The following PFKFB3 variants were observed in gnomAD, a reference collection of about 807,000 sequenced individuals.
PFKFB3 encodes 6-phosphofructo-2-kinase/fructose-2,6-bisphosphatase 3.
Under a neutral mutation model 68.0 loss-of-function variants are expected in PFKFB3, and 33 were observed. The ratio of observed to expected loss-of-function variants is 0.49; its 90% CI spans 0.37 to 0.65. The LOEUF (loss-of-function observed/expected upper bound fraction) is 0.65, where lower values mean the gene tolerates loss of function less well. PFKFB3 is among the 30% of genes least tolerant of loss of function. The pLI, the probability that PFKFB3 is intolerant of heterozygous loss-of-function variation, is 0.00. For synonymous variants in PFKFB3, 315 were observed against 288.2 expected, an observed-to-expected ratio of 1.09 and a Z score of -0.94; for missense variants, 586 against 712.2, an observed-to-expected ratio of 0.82 and a Z score of 2.02.
the PFKFB3 span, among the ~76,000 whole-genome samples, chr10:6,285,945 C>T: frequency 6.7e-6 from 1 of 149,444 alleles, no homozygotes; most frequent in Non-Finnish European, 1.5e-5. Flanking sequence ...TTTTAAAATC[C>T]ATTCATCTGT....
intron 14 of PFKFB3, among the ~76,000 whole-genome samples, chr10:6,254,010 C>T (rs933280869): frequency 4.6e-5 from 7 of 151,982 alleles, no homozygotes; most frequent in African/African-American, 1.2e-4. Context: ...TACCACTGCA[C>T]TCCAGCCTGG....
At chr10:6,284,396 C>T in the PFKFB3 span, among the ~76,000 whole-genome samples, 5 of 152,132 alleles carry the variant, frequency 3.3e-5, no homozygotes, top group African/African-American at 1.2e-4. Flanking sequence ...ATTGTTATGT[C>T]TTCTTGGAGA....
downstream of PFKFB3, among the ~76,000 whole-genome samples, chr10:6,257,810 A>G (rs4750190): frequency 0.63 from 96,337 of 151,976 alleles, 35,603 homozygotes; most frequent in Non-Finnish European, 0.83. Context: ...ACAAGTCAGG[A>G]TGTAATTTCA....
At chr10:6,225,531 G>A (rs1225434585) in intron 13 of PFKFB3, among the ~76,000 whole-genome samples, 1 of 152,264 alleles carries the variant, frequency 6.6e-6, no homozygotes, top group East Asian at 1.9e-4. Flanking sequence ...GGGAATGGGG[G>A]CAGGGCCATG....
intron 8 of PFKFB3, 66 bp from the exon 9 acceptor site, chr10:6,221,315 C>T: frequency 6.3e-7 from 1 of 1,588,646 alleles, no homozygotes; most frequent in Non-Finnish European, 8.6e-7. Context: ...GCTGCCTGCT[C>T]CAGCCCTGGC....
In PFKFB3 at chr10:6,225,834, T is replaced by C. The variant is rs1367271669; in HGVS notation, c.1342-358T>C. On this transcript the variant is annotated intron_variant, in intron 13 of 14. Transcript: ENST00000379775. ...TCAGGCCCAGCCTCTCCCTCCTAGA[T>C]GCCCCTCCTCAGCTCTCAAGAGAGG... Among the ~76,000 whole-genome samples the C allele has an allele frequency of 3.3e-5, 5 of 152,178 alleles. No homozygotes were observed. The East Asian group carries it at 9.6e-4, about 29-fold the overall frequency.
the PFKFB3 span, among the ~76,000 whole-genome samples, chr10:6,290,959 C>G: frequency 6.6e-6 from 1 of 152,026 alleles, no homozygotes; most frequent in Non-Finnish European, 1.5e-5. Flanking sequence ...CTGTCTCTTT[C>G]TCTTTTTTTC....
intron 1 of PFKFB3, among the ~76,000 whole-genome samples, chr10:6,166,609 G>A (rs1044477223): frequency 1.3e-5 from 2 of 152,104 alleles, no homozygotes; most frequent in Non-Finnish European, 2.9e-5. Context: ...GGTCAGAGGA[G>A]AATGCCAGGG....
intron 14 of PFKFB3, among the ~76,000 whole-genome samples, chr10:6,241,341 A>G (rs1422561934): frequency 6.6e-6 from 1 of 152,224 alleles, no homozygotes; most frequent in Admixed American, 6.5e-5. Context: ...ACGGCCACAC[A>G]GGACTTCCTT....
chr10:6,315,014 T>A, the PFKFB3 span, among the ~76,000 whole-genome samples: 1 of 152,122 alleles, frequency 6.6e-6, no homozygotes, highest in Non-Finnish European at 1.5e-5. Flanking sequence ...CTCACATTGC[T>A]CACTCTGTGG....
chr10:6,169,593 T>C (rs1205815998), intron 1 of PFKFB3, among the ~76,000 whole-genome samples: 1 of 152,124 alleles, frequency 6.6e-6, no homozygotes, highest in East Asian at 1.9e-4. Flanking sequence ...GCTGCGCTGA[T>C]GGTGAAGGCG....
chr10:6,262,204 C>T, the PFKFB3 span, among the ~76,000 whole-genome samples: 4 of 151,874 alleles, frequency 2.6e-5, no homozygotes, highest in Non-Finnish European at 4.4e-5. Context: ...CCTGTAGTCC[C>T]AGCAGTTTGG....
intron 1 of PFKFB3, among the ~76,000 whole-genome samples, chr10:6,189,449 T>G (rs603318): frequency 0.99 from 150,588 of 151,672 alleles, 74,768 homozygotes; most frequent in Middle Eastern, 1. Context: ...TGTGTGTTTG[T>G]CAGGGATGCT....
At chr10:6,198,605 C>T (rs928275380), upstream of PFKFB3, among the ~76,000 whole-genome samples, 1 of 152,210 alleles carries the variant, frequency 6.6e-6, no homozygotes, top group Admixed American at 6.5e-5. Flanking sequence ...GCCTCAGCCT[C>T]CCGAGTAGCT....
chr10:6,317,957 G>T, the PFKFB3 span, among the ~76,000 whole-genome samples: 23,330 of 152,228 alleles, frequency 0.15, 1,880 homozygotes, highest in Non-Finnish European at 0.18. Flanking sequence ...ATTCTCAGGA[G>T]GAACAGGGCT....
intron 11 of PFKFB3, among the ~76,000 whole-genome samples, chr10:6,223,707 C>G (rs944931305): frequency 6.6e-6 from 1 of 152,180 alleles, no homozygotes; most frequent in African/African-American, 2.4e-5. Flanking sequence ...ACCTCCACCT[C>G]CCAGGTTCAA....
At chr10:6,190,860 C>G (rs1310920307) in intron 1 of PFKFB3, among the ~76,000 whole-genome samples, 1 of 152,148 alleles carries the variant, frequency 6.6e-6, no homozygotes, top group Non-Finnish European at 1.5e-5. Context: ...CTCAGTGCAA[C>G]CTCCGCCTCC....
At chr10:6,292,287 T>C in the PFKFB3 span, among the ~76,000 whole-genome samples, 38 of 122,840 alleles carry the variant, frequency 3.1e-4, 1 homozygote, top group Non-Finnish European at 5.2e-4. Flanking sequence ...TCTTTTTTTT[T>C]TTTTTTTTTT....
At chr10:6,285,615 A>G in the PFKFB3 span, among the ~76,000 whole-genome samples, 1 of 152,194 alleles carries the variant, frequency 6.6e-6, no homozygotes, top group East Asian at 1.9e-4. Context: ...TGTACAATAC[A>G]TTATTGTTGA....
Sources: allele counts gnomAD v4.1 joint callset (sites outside exome capture counted in the v4.1 genomes callset), GRCh38; gene constraint gnomAD v4.1.1; transcripts MANE v1.5; gene names NCBI Gene and HGNC (gene_info 2026-07-23, HGNC 2026-07-21).